Variants in GLI2 observed in about 807,000 individuals in gnomAD.
GLI2 encodes transcription activator GLI2.
In GLI2, 22 loss-of-function variants were observed where a neutral mutation model predicts 78.9. The observed-to-expected ratio is 0.28, with a 90% CI of 0.20 to 0.40. The LOEUF (loss-of-function observed/expected upper bound fraction) is 0.40. GLI2 is among the 10% of genes least tolerant of loss of function. The probability of loss-of-function intolerance (pLI) is 1.00; values close to 1 mark genes in which losing one functional copy is unlikely to be tolerated. For missense variants in GLI2, 2,097 were observed against 2,213.2 expected (o/e 0.95, Z 1.05); for synonymous variants, 974 against 963.7 (o/e 1.01, Z -0.20).
At chr2:120,974,892 A>T (rs1427382662) in intron 8 of GLI2, 83 bp from the exon 9 acceptor site, 1 of 1,608,622 alleles carries the variant, frequency 6.2e-7, no homozygotes, top group Non-Finnish European at 8.5e-7. Context: ...CTTGGCACAG[A>T]ATGCATGGGA....
intron 1 of GLI2, among the ~76,000 whole-genome samples, chr2:120,776,203 A>G (rs1683673143): frequency 6.6e-6 from 1 of 152,238 alleles, no homozygotes; most frequent in South Asian, 2.1e-4. Context: ...ATATTGACAC[A>G]TTTAATCTTC....
intron 2 of GLI2, among the ~76,000 whole-genome samples, chr2:120,925,156 C>T (rs1679602311): frequency 6.6e-6 from 1 of 152,212 alleles, no homozygotes; most frequent in Non-Finnish European, 1.5e-5. Flanking sequence ...GGTTGTCCTT[C>T]CAGCACTTGG....
intron 5 of GLI2, among the ~76,000 whole-genome samples, chr2:120,965,514 G>A (rs1290869054): frequency 2.2e-5 from 3 of 138,014 alleles, no homozygotes; most frequent in South Asian, 2.4e-4. Context: ...CACTCCAGCC[G>A]GGATGCAGAT....
intron 2 of GLI2, among the ~76,000 whole-genome samples, chr2:120,810,824 C>T (rs1433620601): frequency 2.0e-5 from 3 of 152,208 alleles, no homozygotes; most frequent in Non-Finnish European, 2.9e-5. Flanking sequence ...GCTCCAGTGA[C>T]GTCACTGGGA....
rs774826674 is a variant in GLI2 at position 120,927,365 on chromosome 2, G to A, written c.153G>A (p.Pro51=). ...AAAAVAAQGV[P]QHLLPPFHAP... ...TTTCTCTCTCCCCCTCTGCAGTGCCGCAGCATCTCTTGCCACCATTCCATG... is the reference window on the plus strand; with the variant it reads ...TTTCTCTCTCCCCCTCTGCAGTGCCACAGCATCTCTTGCCACCATTCCATG... Residue 51 remains proline (P), a synonymous_variant, in exon 3 of 14, where the codon CCG becomes CCA. Transcript: ENST00000361492. The A allele has an allele frequency of 8.1e-6, 13 of 1,610,974 alleles. No individual in the cohort carries two copies. Among genetic ancestry groups the A allele is most frequent in the Middle Eastern group, 1.6e-4 (1 of 6,076 alleles).
rs1468388911 is a variant in GLI2, at chr2:120,856,190, G to A, written c.148+58722G>A. ...CACTTATTTTCCAACACCTCAGGCT[G>A]AGAAGCTGCCTGTTCTGCCTGCCTG... On this transcript the variant is annotated intron_variant, in intron 2 of 13. Coordinates refer to ENST00000361492, the MANE Select transcript of GLI2 (RefSeq NM_001374353.1). Among the ~76,000 whole-genome samples, 4 of 152,298 alleles carry A rather than the reference G, an allele frequency of 2.6e-5. No homozygotes were observed. The East Asian group carries it at 5.8e-4, about 22-fold the overall frequency.
chr2:120,768,828 T>TGTGC (rs1016876371), intron 1 of GLI2, among the ~76,000 whole-genome samples: 24 of 150,526 alleles, frequency 1.6e-4, no homozygotes, highest in South Asian at 4.2e-4. Context: ...TGTGTGTGTG[T>TGTGC]GCGTGTGTGT....
chr2:120,837,639 C>T (rs529772640), intron 2 of GLI2, among the ~76,000 whole-genome samples: 1 of 152,278 alleles, frequency 6.6e-6, no homozygotes, highest in East Asian at 1.9e-4. Context: ...TGTGCATTTA[C>T]ATGTAGCTTT....
intron 2 of GLI2, among the ~76,000 whole-genome samples, chr2:120,836,427 G>A (rs538315176): frequency 1.8e-4 from 28 of 152,212 alleles, no homozygotes; most frequent in Admixed American, 5.9e-4. Flanking sequence ...TGAAAGCTCC[G>A]TAGACGCCAC....
rs189562104 is a variant in GLI2 at position 120,831,219 on chromosome 2, G to A, written c.148+33751G>A. Among the ~76,000 whole-genome samples the A allele has an allele frequency of 7.9e-5, 12 of 152,258 alleles. No homozygotes were observed. In the East Asian group the frequency reaches 2.3e-3, roughly 29 times the overall value. ...GCTGGGAGGTTGGCCCTGTCCCGAT[G>A]CCTGGCCCTTCTTCTGCCAAAGGCA... On this transcript the variant is annotated intron_variant, in intron 2 of 13. Coordinates refer to ENST00000361492, the MANE Select transcript of GLI2 (RefSeq NM_001374353.1).
intron 3 of GLI2, among the ~76,000 whole-genome samples, chr2:120,945,612 G>A (rs1680669942): frequency 6.6e-6 from 1 of 152,052 alleles, no homozygotes; most frequent in Non-Finnish European, 1.5e-5. Flanking sequence ...TTAGACAGAG[G>A]GACTCAAGTC....
chr2:120,789,931 T>C (rs531037772), intron 1 of GLI2, among the ~76,000 whole-genome samples: 1 of 152,348 alleles, frequency 6.6e-6, no homozygotes, highest in East Asian at 1.9e-4. Flanking sequence ...GTGAAATTAC[T>C]TGAGGAGAGG....
chr2:120,777,266 G>T (rs1230476492), intron 1 of GLI2, among the ~76,000 whole-genome samples: 1 of 152,130 alleles, frequency 6.6e-6, no homozygotes, highest in Non-Finnish European at 1.5e-5. Context: ...GTGTTTATGT[G>T]TGAGTGAGGG....
intron 2 of GLI2, among the ~76,000 whole-genome samples, chr2:120,832,324 TAG>T (rs1247292897): frequency 6.6e-6 from 1 of 152,112 alleles, no homozygotes; most frequent in Non-Finnish European, 1.5e-5. Flanking sequence ...CCCAGAATTT[TAG>T]AGAGATGGCA....
intron 2 of GLI2, among the ~76,000 whole-genome samples, chr2:120,915,433 C>T (rs1213141155): frequency 6.6e-6 from 1 of 152,136 alleles, no homozygotes; most frequent in Non-Finnish European, 1.5e-5. Flanking sequence ...GTGGAGTGGC[C>T]ATTCAGGATA....
intron 2 of GLI2, among the ~76,000 whole-genome samples, chr2:120,888,485 C>T (rs542828564): frequency 7.2e-4 from 110 of 152,296 alleles, no homozygotes; most frequent in African/African-American, 1.9e-3. Flanking sequence ...GTTTTCTTCT[C>T]TTCAGACAGG....
At chr2:120,978,106 G>A (rs950297107) in intron 9 of GLI2, among the ~76,000 whole-genome samples, 13 of 152,260 alleles carry the variant, frequency 8.5e-5, no homozygotes, top group Non-Finnish European at 1.5e-4. Context: ...CAATATAGAC[G>A]GTCACTTTGA....
intron 2 of GLI2, among the ~76,000 whole-genome samples, chr2:120,886,306 C>T (rs1677411082): frequency 6.6e-6 from 1 of 151,406 alleles, no homozygotes; most frequent in South Asian, 2.1e-4. Context: ...TGCTGTTTGC[C>T]CAGGCTGGAG....
chr2:120,963,036 G>C (rs1202554053), intron 5 of GLI2, among the ~76,000 whole-genome samples: 4 of 152,174 alleles, frequency 2.6e-5, no homozygotes, highest in African/African-American at 9.7e-5. Flanking sequence ...AGTGGACTCA[G>C]TAAATAAAAA....
Sources: allele counts gnomAD v4.1 joint callset (sites outside exome capture counted in the v4.1 genomes callset), GRCh38; gene constraint gnomAD v4.1.1; transcripts MANE v1.5; gene names NCBI Gene and HGNC (gene_info 2026-07-23, HGNC 2026-07-21).